Variants in OSBPL10 observed in about 807,000 individuals in gnomAD.
OSBPL10 encodes the protein oxysterol-binding protein-related protein 10.
Under a neutral mutation model 81.7 loss-of-function variants are expected in OSBPL10, and 49 were observed. That is an observed-to-expected ratio of 0.60 (90% CI 0.48 to 0.76). The LOEUF is 0.76. OSBPL10 is among the 30% of genes least tolerant of loss of function. The pLI, the probability that OSBPL10 is intolerant of heterozygous loss-of-function variation, is 0.00. For synonymous variants in OSBPL10, 419 were observed against 383.6 expected, an observed-to-expected ratio of 1.09 and a Z score of -1.08; for missense variants, 923 against 987.8, an observed-to-expected ratio of 0.93 and a Z score of 0.88.
intron 3 of OSBPL10, among the ~76,000 whole-genome samples, chr3:31,856,823 C>T (rs968714438): frequency 1.3e-5 from 2 of 152,156 alleles, no homozygotes; most frequent in African/African-American, 4.8e-5. Context: ...TGCCTGTAAT[C>T]CCAGTGCTTT....
chr3:31,774,188 G>T (rs1177193116), intron 4 of OSBPL10, among the ~76,000 whole-genome samples: 5 of 149,148 alleles, frequency 3.4e-5, no homozygotes, highest in Admixed American at 1.3e-4. Context: ...AAGAAAGACA[G>T]ACTGAAAACA....
At chr3:32,054,208 T>C (rs1699690132) in intron 1 of OSBPL10, among the ~76,000 whole-genome samples, 1 of 152,210 alleles carries the variant, frequency 6.6e-6, no homozygotes, top group Admixed American at 6.5e-5. Context: ...CTTTGATATT[T>C]AATAAACTTT....
chr3:31,914,435 C>A (rs986173972), intron 1 of OSBPL10, among the ~76,000 whole-genome samples: 24 of 152,166 alleles, frequency 1.6e-4, no homozygotes, highest in African/African-American at 5.5e-4. Context: ...TTATGCAGCT[C>A]CAGAAGGATA....
At chr3:31,717,817 GCTCA>G (rs958608751) in intron 6 of OSBPL10, among the ~76,000 whole-genome samples, 5 of 152,064 alleles carry the variant, frequency 3.3e-5, no homozygotes, top group African/African-American at 1.2e-4. Context: ...CCCAAATGAG[GCTCA>G]CTATGTCCTC....
In OSBPL10 at chr3:31,965,831, T is replaced by G. The variant is rs758370603; in HGVS notation, c.281+15068A>C. 4.4e-3 allele frequency among the ~76,000 whole-genome samples: 369 copies of G among 83,682 alleles called. 33 individuals carry two copies. The highest frequency in any genetic ancestry group is 6.8e-3 in the African/African-American group (113 of 16,536). The allele number at this position is 83,682 out of a possible 152,430, so 54.9% of individuals were successfully genotyped here. ...TTATATAATATATATTATATAAATATATAATATATATTATATAAAAAGATA... is the reference window on the plus strand; with the variant it reads ...TTATATAATATATATTATATAAATAGATAATATATATTATATAAAAAGATA... On this transcript the variant is annotated intron_variant, in intron 1 of 11. Coordinates refer to ENST00000396556, the MANE Select transcript of OSBPL10 (RefSeq NM_017784.5).
intron 1 of OSBPL10, among the ~76,000 whole-genome samples, chr3:31,898,165 C>T (rs1233197384): frequency 6.6e-6 from 1 of 151,600 alleles, no homozygotes; most frequent in African/African-American, 2.4e-5. Flanking sequence ...TCAACAGATA[C>T]AAAGTTTTAG....
chr3:31,809,177 G>C (rs570970522), intron 4 of OSBPL10, among the ~76,000 whole-genome samples: 1 of 152,282 alleles, frequency 6.6e-6, no homozygotes, highest in South Asian at 2.1e-4. Context: ...CAACGGATGA[G>C]TTTATTCCTG....
At chr3:31,762,630 A>ATCTTTTTTTTTTTTTT (rs1698080161) in intron 4 of OSBPL10, among the ~76,000 whole-genome samples, 1 of 61,514 alleles carries the variant, frequency 1.6e-5, no homozygotes, top group African/African-American at 8.0e-5. Context: ...CATGCCCAGC[A>ATCTTTTTTTTTTTTTT]TTTTTTTTTT....
chr3:31,965,243 AC>A (rs1286100103), intron 1 of OSBPL10, among the ~76,000 whole-genome samples: 1 of 150,312 alleles, frequency 6.7e-6, no homozygotes, highest in Non-Finnish European at 1.5e-5. Context: ...GGTGGTGGGC[AC>A]CTGTAGTCCC....
At chr3:31,724,752 T>C (rs1202595813) in intron 6 of OSBPL10, among the ~76,000 whole-genome samples, 1 of 152,158 alleles carries the variant, frequency 6.6e-6, no homozygotes, top group Non-Finnish European at 1.5e-5. Flanking sequence ...TCCAACAAGT[T>C]CTTAAAAAAT....
At chr3:31,683,316 T>C (rs751245018) in intron 8 of OSBPL10, among the ~76,000 whole-genome samples, 3 of 152,192 alleles carry the variant, frequency 2.0e-5, no homozygotes, top group Non-Finnish European at 4.4e-5. Flanking sequence ...GGCCAACTCT[T>C]ATATTCATGC....
At chr3:31,756,592 A>C (rs537232632) in intron 4 of OSBPL10, among the ~76,000 whole-genome samples, 145 of 152,336 alleles carry the variant, frequency 9.5e-4, no homozygotes, top group Non-Finnish European at 6.8e-4. Flanking sequence ...ATCACCCCTT[A>C]TATATAATTG....
chr3:31,984,861 T>C (rs1360841303), upstream of OSBPL10, among the ~76,000 whole-genome samples: 2 of 152,226 alleles, frequency 1.3e-5, no homozygotes, highest in Non-Finnish European at 2.9e-5. Context: ...AAGGACAGCT[T>C]ACAGGTTAGA....
chr3:31,872,816 G>T (rs927656326), intron 3 of OSBPL10, among the ~76,000 whole-genome samples: 13 of 151,972 alleles, frequency 8.6e-5, no homozygotes, highest in African/African-American at 3.1e-4. Flanking sequence ...TGGAGACAGG[G>T]TTTCGCCATG....
At chr3:31,871,015 G>T (rs945767212) in intron 3 of OSBPL10, among the ~76,000 whole-genome samples, 3 of 152,094 alleles carry the variant, frequency 2.0e-5, no homozygotes, top group African/African-American at 2.4e-5. Flanking sequence ...ACCAATCAGC[G>T]CCCTGTCAAA....
chr3:31,872,233 A>T (rs1701347195), intron 3 of OSBPL10, among the ~76,000 whole-genome samples: 2 of 152,128 alleles, frequency 1.3e-5, no homozygotes, highest in South Asian at 4.1e-4. Context: ...CTTTCCTAGA[A>T]GGGACCCCAC....
intron 1 of OSBPL10, among the ~76,000 whole-genome samples, chr3:31,913,400 C>A (rs1189705726): frequency 6.6e-6 from 1 of 152,098 alleles, no homozygotes; most frequent in African/African-American, 2.4e-5. Context: ...AGGCGCACAA[C>A]ACCACACCTG....
At chr3:32,070,677 C>T (rs1699822364) in intron 1 of OSBPL10, among the ~76,000 whole-genome samples, 1 of 152,210 alleles carries the variant, frequency 6.6e-6, no homozygotes, top group South Asian at 2.1e-4. Context: ...CCCGTTTTAC[C>T]TGTTCAAAAA....
intron 1 of OSBPL10, among the ~76,000 whole-genome samples, chr3:31,906,480 A>T (rs1041393845): frequency 6.6e-6 from 1 of 152,206 alleles, no homozygotes; most frequent in Non-Finnish European, 1.5e-5. Flanking sequence ...TCCTTTCATT[A>T]TCATCCTCCC....
Sources: allele counts gnomAD v4.1 joint callset (sites outside exome capture counted in the v4.1 genomes callset), GRCh38; gene constraint gnomAD v4.1.1; transcripts MANE v1.5; gene names NCBI Gene and HGNC (gene_info 2026-07-23, HGNC 2026-07-21).